Variants in GAB2 observed in about 807,000 individuals in gnomAD.
The protein encoded by GAB2 is GRB2-associated-binding protein 2.
In GAB2, 26 loss-of-function variants were observed where a neutral mutation model predicts 65.5. The observed-to-expected ratio is 0.40, with a 90% confidence interval of 0.29 to 0.55. The LOEUF (loss-of-function observed/expected upper bound fraction) is 0.55, where lower values mean the gene tolerates loss of function less well. GAB2 is among the 20% of genes least tolerant of loss of function. The pLI, the probability that GAB2 is intolerant of heterozygous loss-of-function variation, is 0.53. For synonymous variants in GAB2, 321 were observed against 329.6 expected (o/e 0.97, Z 0.28); for missense variants, 884 against 875.8 (o/e 1.01, Z -0.12).
chr11:78,398,789 G>A (rs142062929), intron 1 of GAB2, among the ~76,000 whole-genome samples: 1 of 152,308 alleles, frequency 6.6e-6, no homozygotes, highest in East Asian at 1.9e-4. Context: ...CTGAGGAAAT[G>A]GCTAGCTAAT....
rs535218952 is a variant in GAB2 at position 78,349,559 on chromosome 11, C to G, written c.75+68087G>C. ...AACTTACCTTCGAATGCTATTATTC[C>G]CTACAGTGCTTAGGGCATCCTCAGA... On this transcript the variant is annotated intron_variant, in intron 1 of 9. Transcript: ENST00000361507. Among the ~76,000 whole-genome samples, 3 of 152,244 alleles carry G rather than the reference C, an allele frequency of 2.0e-5. No individual in the cohort carries two copies. In the East Asian group the frequency reaches 5.8e-4, roughly 29 times the overall value.
intron 1 of GAB2, among the ~76,000 whole-genome samples, chr11:78,363,572 T>C (rs555624716): frequency 5.9e-5 from 9 of 151,520 alleles, no homozygotes; most frequent in African/African-American, 1.7e-4. Flanking sequence ...AAAAGATAAA[T>C]AGAAATATAT....
chr11:78,300,707 T>TTTTTTTTTTTG (rs1866991547), intron 1 of GAB2, among the ~76,000 whole-genome samples: 1 of 145,206 alleles, frequency 6.9e-6, no homozygotes, highest in Non-Finnish European at 1.5e-5. Flanking sequence ...TTTTTTTTTT[T>TTTTTTTTTTTG]TTTTTGAGAC....
chr11:78,274,445 A>G (rs1866110369), intron 2 of GAB2, among the ~76,000 whole-genome samples: 1 of 152,212 alleles, frequency 6.6e-6, no homozygotes, highest in Admixed American at 6.5e-5. Context: ...CAATGTGAAT[A>G]GTCCTTTGGG....
At chr11:78,301,845 C>T (rs1033955752) in intron 1 of GAB2, among the ~76,000 whole-genome samples, 1 of 152,110 alleles carries the variant, frequency 6.6e-6, no homozygotes, top group Non-Finnish European at 1.5e-5. Flanking sequence ...AAAACAGGCA[C>T]ATAGACCAAT....
At chr11:78,363,588 T>G (rs1237012307) in intron 1 of GAB2, among the ~76,000 whole-genome samples, 1 of 146,306 alleles carries the variant, frequency 6.8e-6, no homozygotes, top group South Asian at 2.1e-4. Context: ...TATATTTTCT[T>G]TTTTTTTTTT....
At chr11:78,370,765 A>T (rs1033425350) in intron 1 of GAB2, among the ~76,000 whole-genome samples, 1 of 143,600 alleles carries the variant, frequency 7.0e-6, no homozygotes, top group Non-Finnish European at 1.5e-5. Flanking sequence ...AATGGAGGAG[A>T]AAGGCAGGCA....
intron 1 of GAB2, among the ~76,000 whole-genome samples, chr11:78,391,443 A>C (rs1343744095): frequency 6.6e-6 from 1 of 152,220 alleles, no homozygotes; most frequent in Non-Finnish European, 1.5e-5. Context: ...CCAAAGTAAC[A>C]CTATGTGACT....
At chr11:78,271,911 T>G (rs947276201) in intron 2 of GAB2, among the ~76,000 whole-genome samples, 10 of 152,210 alleles carry the variant, frequency 6.6e-5, no homozygotes, top group Non-Finnish European at 1.3e-4. Context: ...GTCTTTCCTG[T>G]GCTTTTCTTG....
chr11:78,396,057 C>T (rs1374227352), intron 1 of GAB2, among the ~76,000 whole-genome samples: 1 of 152,164 alleles, frequency 6.6e-6, no homozygotes, highest in Non-Finnish European at 1.5e-5. Flanking sequence ...TCCTTGATTG[C>T]CAGCATTTGC....
intron 1 of GAB2, among the ~76,000 whole-genome samples, chr11:78,317,884 C>T (rs184344645): frequency 6.6e-6 from 1 of 152,108 alleles, no homozygotes; most frequent in African/African-American, 2.4e-5. Context: ...GAAGATTAAA[C>T]TACATTACAT....
At chr11:78,224,084 A>T (rs1413585931) in intron 5 of GAB2, among the ~76,000 whole-genome samples, 1 of 152,174 alleles carries the variant, frequency 6.6e-6, no homozygotes, top group Non-Finnish European at 1.5e-5. Context: ...TCTGTTTCAA[A>T]AAATAAAAAA....
At chr11:78,253,940 G>T (rs1865526916) in intron 2 of GAB2, among the ~76,000 whole-genome samples, 1 of 152,156 alleles carries the variant, frequency 6.6e-6, no homozygotes, top group Admixed American at 6.5e-5. Flanking sequence ...ATTCTGCCTT[G>T]TCATCAAATG....
intron 3 of GAB2, among the ~76,000 whole-genome samples, chr11:78,233,579 C>T (rs1011218496): frequency 4.9e-4 from 75 of 152,172 alleles, no homozygotes; most frequent in African/African-American, 1.5e-3. Flanking sequence ...TAGATATGCG[C>T]GTTGAATATT....
intron 1 of GAB2, chr11:78,324,752 A>T (rs1855792278): frequency 6.6e-6 from 1 of 152,252 alleles, no homozygotes; most frequent in Non-Finnish European, 1.5e-5. Flanking sequence ...TCAAGGTCTG[A>T]TGACAACCAA....
chr11:78,401,783 A>C (rs1041698634), intron 1 of GAB2, among the ~76,000 whole-genome samples: 1 of 152,188 alleles, frequency 6.6e-6, no homozygotes, highest in African/African-American at 2.4e-5. Flanking sequence ...AGTTGCTTCC[A>C]AATGAGAAGT....
intron 1 of GAB2, among the ~76,000 whole-genome samples, chr11:78,291,175 G>T (rs1439274749): frequency 6.6e-6 from 1 of 151,768 alleles, no homozygotes; most frequent in Non-Finnish European, 1.5e-5. Context: ...GATCAAGGCT[G>T]GGCGTGGTGG....
intron 2 of GAB2, among the ~76,000 whole-genome samples, chr11:78,270,445 C>T (rs1034386572): frequency 1.3e-5 from 2 of 152,092 alleles, no homozygotes; most frequent in African/African-American, 4.8e-5. Context: ...GTAAACAGCT[C>T]TGTGACAATG....
chr11:78,281,057 G>A (rs555430060), intron 1 of GAB2, among the ~76,000 whole-genome samples, 156 bp from the exon 2 acceptor site: 8 of 152,020 alleles, frequency 5.3e-5, no homozygotes, highest in Non-Finnish European at 7.4e-5. Flanking sequence ...GGGCTCAAGC[G>A]ATCCTCCCAC....
Sources: allele counts gnomAD v4.1 joint callset (sites outside exome capture counted in the v4.1 genomes callset), GRCh38; gene constraint gnomAD v4.1.1; transcripts MANE v1.5; gene names NCBI Gene and HGNC (gene_info 2026-07-23, HGNC 2026-07-21).